PILRA: variants seen among roughly 807,000 people sequenced by gnomAD.
PILRA encodes the protein paired immunoglobulin-like type 2 receptor alpha.
A neutral mutation model predicts 33.1 loss-of-function variants in PILRA; 37 were observed. The ratio of observed to expected loss-of-function variants is 1.12; its 90% CI spans 0.86 to 1.47. The LOEUF is 1.47. PILRA is among the 40% of genes most tolerant of loss of function. The pLI is 0.00. For synonymous variants in PILRA, 146 were observed against 149.9 expected, an observed-to-expected ratio of 0.97 and a Z score of 0.19; for missense variants, 312 against 376.2, an observed-to-expected ratio of 0.83 and a Z score of 1.41.
At chr7:100,390,333 C>G (rs1444694224) in intron 3 of PILRA, among the ~76,000 whole-genome samples, 1 of 152,034 alleles carries the variant, frequency 6.6e-6, no homozygotes, top group Non-Finnish European at 1.5e-5. Flanking sequence ...CACAGCCGAT[C>G]CCCCCCTAGT....
Position 100,397,909 on chromosome 7 carries a change from C to T in PILRA, c.704C>T (p.Ala235Val). ...GQQRTKATTP[A>V]REPFQNTEEP... ...CAGCGGACTAAAGCCACAACCCCAG[C>T]CAGGTGAGTGCTGGGCCTCCCCAGG... Residue 235 changes from alanine (A) to valine (V), a missense_variant, in exon 4 of 7, where the codon GCC becomes GTC. By Grantham distance (64) the Ala-to-Val change is moderately conservative. Transcript: ENST00000198536. 4.3e-6 allele frequency: 7 copies of T among 1,614,000 alleles called. No homozygotes were observed. Among genetic ancestry groups the T allele is most frequent in the Non-Finnish European group, 5.9e-6 (7 of 1,179,890 alleles).
intron 2 of PILRA, among the ~76,000 whole-genome samples, chr7:100,377,591 A>T (rs1790984717): frequency 6.6e-6 from 1 of 152,050 alleles, no homozygotes; most frequent in Non-Finnish European, 1.5e-5. Flanking sequence ...CTATAGGTTG[A>T]AAATATTGGC....
At chr7:100,375,825 T>C (rs1563115263) in intron 2 of PILRA, among the ~76,000 whole-genome samples, 1 of 152,268 alleles carries the variant, frequency 6.6e-6, no homozygotes, top group Non-Finnish European at 1.5e-5. Flanking sequence ...GCTTCGCCTA[T>C]TGAGTTGACC....
intron 6 of PILRA, 22 bp from the exon 7 acceptor site, chr7:100,399,761 CTT>C (rs750582598): frequency 1.2e-6 from 2 of 1,610,748 alleles, no homozygotes; most frequent in Non-Finnish European, 1.7e-6. Flanking sequence ...CTGTCTAACC[CTT>C]TCTCTCTGGG....
chr7:100,373,473 AG>A (rs1790862679), upstream of PILRA: 1 of 661,558 alleles, frequency 1.5e-6, no homozygotes, highest in South Asian at 1.7e-5. Context: ...AGATGGATAA[AG>A]GAAGTGCTGG....
At chr7:100,397,546 G>A (rs1584229742) in intron 3 of PILRA, among the ~76,000 whole-genome samples, 1 of 151,918 alleles carries the variant, frequency 6.6e-6, no homozygotes, top group East Asian at 1.9e-4. Context: ...AATGTCAAGG[G>A]AAGGGGAGGG....
intron 3 of PILRA, among the ~76,000 whole-genome samples, chr7:100,397,456 G>A (rs929686003): frequency 4.6e-5 from 7 of 152,044 alleles, no homozygotes; most frequent in African/African-American, 1.7e-4. Flanking sequence ...CAAGGCTGGA[G>A]GGCAGACATA....
chr7:100,391,187 T>TA lies in PILRA; in HGVS notation c.673+1082dup, dbSNP rs1563121246. Among the ~76,000 whole-genome samples the TA allele has an allele frequency of 4.0e-3, 460 of 114,090 alleles. 3 individuals are homozygous for TA. Among genetic ancestry groups the TA allele is most frequent in the South Asian group, 0.016 (61 of 3,732 alleles). The allele number at this position is 114,090 out of a possible 152,430, so 74.8% of individuals were successfully genotyped here. ...TAACAATAATAATAATAATAATAAT[T>TA]ATTATTATTATTATTATTATTAGCT... On this transcript the variant is annotated intron_variant, in intron 3 of 6. Coordinates refer to ENST00000198536, the MANE Select transcript of PILRA (RefSeq NM_013439.3).
At chr7:100,390,208 C>A in intron 3 of PILRA, 102 bp downstream of exon 3, 1 of 1,051,142 alleles carries the variant, frequency 9.5e-7, no homozygotes, top group Non-Finnish European at 1.4e-6. Flanking sequence ...ACCCTGCTGG[C>A]TCCCCTCAAG....
intron 3 of PILRA, among the ~76,000 whole-genome samples, chr7:100,392,522 C>G (rs898951432): frequency 2.6e-5 from 4 of 152,020 alleles, no homozygotes; most frequent in Non-Finnish European, 4.4e-5. Context: ...AGAGGGTGTG[C>G]CACAGGAGCA....
intron 1 of PILRA, 80 bp downstream of exon 1, chr7:100,373,800 T>A: frequency 6.4e-7 from 1 of 1,564,530 alleles, no homozygotes. Context: ...TGGGACATCT[T>A]GGGGAGGGCC....
At chr7:100,376,775 T>TC (rs1790959295) in intron 2 of PILRA, among the ~76,000 whole-genome samples, 1 of 143,012 alleles carries the variant, frequency 7.0e-6, no homozygotes, top group Non-Finnish European at 1.5e-5. Flanking sequence ...TTTTTTTTTT[T>TC]TTTTTTTTTT....
chr7:100,392,305 T>C (rs914671537), intron 3 of PILRA, among the ~76,000 whole-genome samples: 3 of 151,954 alleles, frequency 2.0e-5, no homozygotes, highest in African/African-American at 7.3e-5. Flanking sequence ...TGCAAGGAGA[T>C]TTGCCCTATC....
chr7:100,399,391 T>C (rs767886376), intron 5 of PILRA, 51 bp downstream of exon 5: 1 of 1,504,506 alleles, frequency 6.6e-7, no homozygotes, highest in Middle Eastern at 1.7e-4. Context: ...GCACTTCCTG[T>C]TTCCCCAAAT....
At chr7:100,386,845 G>A (rs1370361113) in intron 2 of PILRA, among the ~76,000 whole-genome samples, 2 of 150,444 alleles carry the variant, frequency 1.3e-5, no homozygotes, top group East Asian at 1.9e-4. Context: ...AAAAAAAAAC[G>A]ACCAAAAAAC....
intron 2 of PILRA, chr7:100,374,642 C>T (rs1009078937): frequency 3.2e-6 from 2 of 634,278 alleles, no homozygotes; most frequent in Admixed American, 4.8e-5. Context: ...CCCAACCATC[C>T]CCCTCACTGT....
intron 3 of PILRA, among the ~76,000 whole-genome samples, chr7:100,391,820 T>C (rs1283534902): frequency 1.3e-5 from 2 of 152,186 alleles, no homozygotes; most frequent in East Asian, 3.8e-4. Context: ...GAGATCATGC[T>C]TGGAGGGGAA....
At chr7:100,399,690 G>A in intron 6 of PILRA, 78 bp downstream of exon 6, 1 of 1,610,846 alleles carries the variant, frequency 6.2e-7, no homozygotes, top group East Asian at 2.2e-5. Flanking sequence ...AGGGGAGTGT[G>A]GTGTGGGCAG....
chr7:100,384,009 G>A (rs1205636574), intron 2 of PILRA, among the ~76,000 whole-genome samples: 1 of 152,206 alleles, frequency 6.6e-6, no homozygotes, highest in East Asian at 1.9e-4. Context: ...GAAGTCAGAA[G>A]CAGGGAGACT....
Sources: gnomAD v4.1 joint callset for allele counts (sites outside exome capture counted in the v4.1 genomes callset) on GRCh38, gnomAD v4.1.1 for gene constraint, MANE v1.5 for transcripts, NCBI Gene and HGNC (gene_info 2026-07-23, HGNC 2026-07-21) for gene names.